CFAP54: variants seen among roughly 807,000 people sequenced by gnomAD.
The protein encoded by CFAP54 is cilia and flagella associated protein 54, also known as cilia- and flagella-associated protein 54.
Under a neutral mutation model 370.4 loss-of-function variants are expected in CFAP54, and 290 were observed. That is an observed-to-expected ratio of 0.78 (90% CI 0.71 to 0.86). The LOEUF (loss-of-function observed/expected upper bound fraction) is 0.86, where lower values mean the gene tolerates loss of function less well. Among genes scored for constraint, CFAP54 ranks in the 40% least tolerant of loss-of-function variants. The pLI, the probability that CFAP54 is intolerant of heterozygous loss-of-function variation, is 0.00. For synonymous variants in CFAP54, 1,206 were observed against 1,236.5 expected (o/e 0.98, Z 0.52); for missense variants, 3,399 against 3,528.7 (o/e 0.96, Z 0.93).
At chr12:96,537,436 G>C (rs1833237) in intron 12 of CFAP54, among the ~76,000 whole-genome samples, 61,427 of 151,888 alleles carry the variant, frequency 0.4, 12,925 homozygotes, top group South Asian at 0.46. Context: ...CTGCCTCCCG[G>C]GTTCAAGCGA....
intron 58 of CFAP54, among the ~76,000 whole-genome samples, chr12:96,759,444 T>A (rs1248996795): frequency 6.6e-6 from 1 of 152,146 alleles, no homozygotes; most frequent in Non-Finnish European, 1.5e-5. Context: ...AGTAGTGTAA[T>A]TCCTTACAAT....
intron 9 of CFAP54, among the ~76,000 whole-genome samples, chr12:96,529,745 A>G (rs1021569426): frequency 2.6e-5 from 4 of 152,144 alleles, no homozygotes; most frequent in Admixed American, 2.6e-4. Context: ...TATTGAATAC[A>G]TGTATTGCAA....
intron 55 of CFAP54, among the ~76,000 whole-genome samples, chr12:96,751,170 C>A (rs1003419422): frequency 1.3e-5 from 2 of 152,074 alleles, no homozygotes; most frequent in African/African-American, 4.8e-5. Flanking sequence ...ATTACTGATT[C>A]TATGATAGGA....
intron 39 of CFAP54, among the ~76,000 whole-genome samples, chr12:96,673,192 A>G (rs1173364029): frequency 6.6e-6 from 1 of 152,228 alleles, no homozygotes; most frequent in African/African-American, 2.4e-5. Flanking sequence ...CAAAGGAGGT[A>G]GATATTATTA....
At position 96,863,169 on chromosome 12, in the gene CFAP54, ATGG is replaced by A. The variant is rs1417628856; in HGVS notation, c.*14+2218_*14+2220del. 7.9e-5 allele frequency among the ~76,000 whole-genome samples: 12 copies of A among 151,774 alleles called. No homozygotes were observed. The East Asian group carries it at 1.9e-3, about 25-fold the overall frequency. On this transcript the variant is annotated intron_variant, in intron 67 of 67. Transcript: ENST00000524981. Reference sequence around the variant, plus strand: ...CTATATTTGTTGGATGGATGGATGGATGGATGGATGGATGGATGGATGGATGGA... The same window carrying A: ...CTATATTTGTTGGATGGATGGATGGAATGGATGGATGGATGGATGGATGGA...
intron 63 of CFAP54, among the ~76,000 whole-genome samples, chr12:96,807,100 A>C (rs184457881): frequency 7.9e-5 from 12 of 152,294 alleles, no homozygotes; most frequent in Admixed American, 3.3e-4. Context: ...TCCATTGGAA[A>C]CCTTCTCTGA....
At chr12:96,545,498 CA>C (rs916198738) in intron 14 of CFAP54, among the ~76,000 whole-genome samples, 5 of 150,090 alleles carry the variant, frequency 3.3e-5, no homozygotes, top group Non-Finnish European at 5.9e-5. Context: ...AATATATTTC[CA>C]AAAAAAAATA....
At chr12:96,684,196 T>C (rs1175743076) in intron 40 of CFAP54, among the ~76,000 whole-genome samples, 3 of 152,204 alleles carry the variant, frequency 2.0e-5, no homozygotes. Context: ...TTTGAGCCTT[T>C]CCATCTGCTA....
Position 96,533,929 on chromosome 12 carries a change from A to G in CFAP54, c.1495A>G (p.Ser499Gly), listed in dbSNP as rs1955472264. Residue 499 changes from serine (S) to glycine (G), a missense_variant, in exon 10 of 68, where the codon AGT becomes GGT. Around this residue, in one of 3 missense-constraint regions of CFAP54, gnomAD observed 44 missense variants for 82.3 expected, o/e 0.53. Transcript: ENST00000524981. ...ATTAGCTTTTACCTATGAGGAGTGG[A>G]GTTTATTTGAATCTTCTGCTGTACA... ...IKLAFTYEEW[S>G]LFESSAVHLI... is the part of the protein sequence containing the mutation. 6.5e-7 allele frequency: 1 copy of G among 1,532,488 alleles called. No homozygotes were observed. Among genetic ancestry groups the G allele is most frequent in the Non-Finnish European group, 8.7e-7 (1 of 1,145,832 alleles). 94.9% of individuals were successfully genotyped at this position (1,532,488 alleles called of 1,614,324 possible).
At chr12:96,674,682 T>C (rs1402423948) in intron 39 of CFAP54, among the ~76,000 whole-genome samples, 2 of 152,160 alleles carry the variant, frequency 1.3e-5, no homozygotes, top group Non-Finnish European at 2.9e-5. Context: ...GATAAAAAAG[T>C]AGTGGGATGA....
At chr12:96,816,404 G>A (rs1021272372) in intron 64 of CFAP54, among the ~76,000 whole-genome samples, 7 of 152,034 alleles carry the variant, frequency 4.6e-5, no homozygotes, top group African/African-American at 1.4e-4. Flanking sequence ...TTTTCAATGG[G>A]TAAGTTTTTC....
At chr12:96,803,459 C>A (rs1474545923) in intron 63 of CFAP54, among the ~76,000 whole-genome samples, 1 of 151,998 alleles carries the variant, frequency 6.6e-6, no homozygotes, top group East Asian at 1.9e-4. Flanking sequence ...AACACTGGAG[C>A]CTGTGAAACC....
intron 19 of CFAP54, among the ~76,000 whole-genome samples, chr12:96,565,684 A>G (rs945235777): frequency 1.3e-5 from 2 of 152,214 alleles, no homozygotes; most frequent in Non-Finnish European, 2.9e-5. Context: ...GAAAGCACAG[A>G]TAAAGGGATT....
At chr12:96,804,538 T>C (rs757445757) in intron 63 of CFAP54, among the ~76,000 whole-genome samples, 2 of 151,916 alleles carry the variant, frequency 1.3e-5, no homozygotes, top group African/African-American at 2.4e-5. Flanking sequence ...CATAAAACAA[T>C]ATCTAGGAAT....
At chr12:96,645,133 C>A (rs1405673380) in intron 33 of CFAP54, 2 of 456,538 alleles carry the variant, frequency 4.4e-6, no homozygotes, top group South Asian at 3.1e-5. Flanking sequence ...CACCCAATGT[C>A]AATTTTCTAT....
chr12:96,493,478 T>A (rs1184243396), intron 1 of CFAP54, among the ~76,000 whole-genome samples: 1 of 152,188 alleles, frequency 6.6e-6, no homozygotes, highest in African/African-American at 2.4e-5. Flanking sequence ...AACTAGACAA[T>A]AAACATCAAT....
At position 96,636,731 on chromosome 12, in the gene CFAP54, G is replaced by A. The variant is rs138181762; in HGVS notation, c.4316+6080G>A. Among the ~76,000 whole-genome samples, 38 of 152,230 alleles carry A rather than the reference G, an allele frequency of 2.5e-4. No homozygotes were observed. The East Asian group carries it at 6.2e-3, about 25-fold the overall frequency. ...AGAACTTTGGGAAGGTGAGGTAGGC[G>A]GATAACAAGGTCAGGAGTTTGAGAC... On this transcript the variant is annotated intron_variant, in intron 32 of 67. Coordinates refer to ENST00000524981, the MANE Select transcript of CFAP54 (RefSeq NM_001306084.2).
chr12:96,837,077 C>A (rs1244745000), intron 66 of CFAP54, among the ~76,000 whole-genome samples: 2 of 152,260 alleles, frequency 1.3e-5, no homozygotes, highest in East Asian at 3.9e-4. Context: ...CCATCTTGTT[C>A]CCCCAAAGCA....
chr12:96,579,845 T>C (rs965055714), intron 20 of CFAP54, among the ~76,000 whole-genome samples: 6 of 152,074 alleles, frequency 3.9e-5, no homozygotes, highest in Non-Finnish European at 5.9e-5. Flanking sequence ...GTGGGATTTA[T>C]ATTTTATGTT....
Sources: gnomAD v4.1 joint callset for allele counts (sites outside exome capture counted in the v4.1 genomes callset) on GRCh38, gnomAD v4.1.1 for gene constraint, gnomAD v4.1.1 regional missense constraint, MANE v1.5 for transcripts, NCBI Gene and HGNC (gene_info 2026-07-23, HGNC 2026-07-21) for gene names.